Variants in N4BP1 observed in about 807,000 individuals in gnomAD.
N4BP1 encodes the protein NEDD4-binding protein 1.
A neutral mutation model predicts 70.9 loss-of-function variants in N4BP1; 21 were observed. The ratio of observed to expected loss-of-function variants is 0.30; its 90% CI spans 0.21 to 0.43. The LOEUF is 0.43. N4BP1 is among the 20% of genes least tolerant of loss of function. The pLI is 1.00. For missense variants in N4BP1, 936 were observed against 1,069.4 expected, an observed-to-expected ratio of 0.88 and a Z score of 1.74; for synonymous variants, 387 against 394.6, an observed-to-expected ratio of 0.98 and a Z score of 0.23.
chr16:48,560,633 G>A (rs558116897), intron 2 of N4BP1, 121 bp downstream of exon 2: 62 of 1,313,802 alleles, frequency 4.7e-5, no homozygotes, highest in Non-Finnish European at 5.5e-5. Context: ...TCCACCATCC[G>A]ACCCTAAGGC....
intron 1 of N4BP1, among the ~76,000 whole-genome samples, chr16:48,584,429 G>C (rs1048743009): frequency 1.3e-5 from 2 of 152,178 alleles, no homozygotes; most frequent in African/African-American, 2.4e-5. Flanking sequence ...TTCACGGTAT[G>C]AATGAGAAAT....
Position 48,562,097 on chromosome 16 carries a change from C to T in N4BP1, c.546G>A (p.Leu182=), listed in dbSNP as rs773097334. The part of the protein sequence containing the change: ...TMDLLILPTS[L]KKELLTLTQG... ...GTGTGAGTGTCAAAAGTTCTTTTTT[C>T]AAGGAAGTGGGCAAAATCAACAAAT... The change falls in exon 2 of 7, where the codon TTG becomes TTA. Residue 182 remains leucine (L), a synonymous_variant. Coordinates refer to ENST00000262384, the MANE Select transcript of N4BP1 (RefSeq NM_153029.4). 6.2e-7 allele frequency: 1 copy of T among 1,613,578 alleles called. No individual in the cohort carries two copies. The highest frequency in any genetic ancestry group is 8.5e-7 in the Non-Finnish European group (1 of 1,179,808).
chr16:48,562,499 TAATA>T lies in N4BP1; in HGVS notation c.199-59_199-56del, dbSNP rs1963876952. On this transcript the variant is annotated intron_variant, in intron 1 of 6. Transcript: ENST00000262384. ...ATTTACAAAAGTTCCTTATAGCACA[TAATA>T]AATTACCATGTAACTACAAATGTCA... is the stretch of plus-strand genomic sequence containing the variant. 2.9e-6 allele frequency: 4 copies of T among 1,399,296 alleles called. No homozygotes were observed. In the African/African-American group the frequency reaches 4.3e-5, roughly 15 times the overall value. 86.7% of individuals were successfully genotyped at this position (1,399,296 alleles called of 1,614,324 possible). A position where few individuals can be genotyped will look rare whatever the true frequency, so the allele number is the denominator to read the frequency against.
At chr16:48,550,061 ACCT>A (rs1443761193) in intron 4 of N4BP1, among the ~76,000 whole-genome samples, 1 of 152,200 alleles carries the variant, frequency 6.6e-6, no homozygotes, top group Non-Finnish European at 1.5e-5. Flanking sequence ...TAAGTTTAGA[ACCT>A]TCTCTTATTC....
At chr16:48,580,681 C>T (rs1708950783) in intron 1 of N4BP1, among the ~76,000 whole-genome samples, 1 of 152,094 alleles carries the variant, frequency 6.6e-6, no homozygotes, top group African/African-American at 2.4e-5. Flanking sequence ...AAACCTTCAA[C>T]AAAATATAGT....
intron 1 of N4BP1, among the ~76,000 whole-genome samples, chr16:48,608,307 A>G (rs938335194): frequency 2.0e-5 from 3 of 152,064 alleles, no homozygotes; most frequent in Admixed American, 2.0e-4. Flanking sequence ...CCGGCCTACA[A>G]TGTTTTAAGT....
intron 2 of N4BP1, among the ~76,000 whole-genome samples, chr16:48,554,170 AG>A: frequency 8.0e-6 from 1 of 125,344 alleles, no homozygotes; most frequent in Middle Eastern, 4.0e-3. Context: ...CAGGGAAAAA[AG>A]GTAAAAAAAA....
rs549685295 is a variant in N4BP1, at chr16:48,544,202, A to G, written c.2334-941T>C. Among the ~76,000 whole-genome samples, 165 of 152,348 alleles carry G rather than the reference A, an allele frequency of 1.1e-3. 2 individuals are homozygous for G. Among genetic ancestry groups the G allele is most frequent in the South Asian group, 6.4e-3 (31 of 4,830 alleles). On this transcript the variant is annotated intron_variant, in intron 6 of 6. Coordinates refer to ENST00000262384, the MANE Select transcript of N4BP1 (RefSeq NM_153029.4). Reference sequence around the variant, plus strand: ...AGAAAAGCATGGCATTTGGGAATTAAGTCCTCGTCTGTGTCATAAAACCCA... The same window carrying G: ...AGAAAAGCATGGCATTTGGGAATTAGGTCCTCGTCTGTGTCATAAAACCCA...
intron 1 of N4BP1, chr16:48,600,375 GA>G (rs1274741860): frequency 2.7e-6 from 2 of 735,236 alleles, no homozygotes; most frequent in South Asian, 2.7e-5. Context: ...ATTTGAATAT[GA>G]AAAACATAGA....
At chr16:48,576,957 GGTGTGA>G (rs1964104333) in intron 1 of N4BP1, among the ~76,000 whole-genome samples, 1 of 152,124 alleles carries the variant, frequency 6.6e-6, no homozygotes, top group Admixed American at 6.5e-5. Flanking sequence ...AGAGTGCAGA[GGTGTGA>G]TCACAGCTCA....
chr16:48,554,335 C>T (rs1438976757), intron 2 of N4BP1, among the ~76,000 whole-genome samples: 1 of 152,114 alleles, frequency 6.6e-6, no homozygotes, highest in African/African-American at 2.4e-5. Context: ...TGAATGTGTG[C>T]GGCTATGTTC....
chr16:48,591,898 T>TTTA (rs57352767), intron 1 of N4BP1, among the ~76,000 whole-genome samples: 5 of 149,138 alleles, frequency 3.4e-5, no homozygotes, highest in South Asian at 2.1e-4. Context: ...TTTTTTTTTT[T>TTTA]TCCAAGTTTT....
chr16:48,598,825 A>T (rs1268953308), intron 1 of N4BP1, among the ~76,000 whole-genome samples: 2 of 152,150 alleles, frequency 1.3e-5, no homozygotes, highest in Non-Finnish European at 2.9e-5. Flanking sequence ...TCCTTGATAT[A>T]GGAGTCCTAT....
At chr16:48,588,089 T>C (rs1964274799) in intron 1 of N4BP1, among the ~76,000 whole-genome samples, 1 of 152,070 alleles carries the variant, frequency 6.6e-6, no homozygotes, top group South Asian at 2.1e-4. Context: ...TCTTATGAAA[T>C]TTCCTGAGGA....
intron 1 of N4BP1, among the ~76,000 whole-genome samples, chr16:48,604,602 T>TTA (rs796369615): frequency 2.5e-4 from 34 of 138,514 alleles, no homozygotes; most frequent in African/African-American, 8.6e-4. Context: ...CAAAAAAAGG[T>TTA]AAAAAAAAAA....
intron 1 of N4BP1, 22 bp downstream of exon 1, chr16:48,609,753 C>CG: frequency 1.5e-6 from 2 of 1,326,740 alleles, no homozygotes; most frequent in South Asian, 1.9e-5. Context: ...CGCGGGCGCG[C>CG]GGGGGCGGCG....
chr16:48,566,923 T>C (rs933056966), intron 1 of N4BP1, among the ~76,000 whole-genome samples: 2 of 152,364 alleles, frequency 1.3e-5, no homozygotes, highest in East Asian at 1.9e-4. Context: ...TGTTACATAA[T>C]GTCTTCTTGA....
At chr16:48,551,333 C>T in intron 4 of N4BP1, 53 bp downstream of exon 4, 2 of 1,411,228 alleles carry the variant, frequency 1.4e-6, no homozygotes, top group Non-Finnish European at 2.0e-6. Flanking sequence ...GAGCAGGTGG[C>T]TGGCTCCTCA....
rs1963464663 is a variant in N4BP1 at position 48,539,759 on chromosome 16, G to C, written c.*3145C>G. The C allele has an allele frequency of 6.6e-6, 1 of 152,424 alleles. No individual in the cohort carries two copies. The highest frequency in any genetic ancestry group is 2.4e-5 in the African/African-American group (1 of 41,466). 9.4% of individuals were successfully genotyped at this position (152,424 alleles called of 1,614,324 possible). On this transcript the variant is annotated 3_prime_UTR_variant, in exon 7 of 7. Transcript: ENST00000262384. Reference sequence around the variant, plus strand: ...AGTCTGCAAGCCACCTGCAGAGGAAGAATAGGGTGTTAAGGACTGGCTTTA... The same window carrying C: ...AGTCTGCAAGCCACCTGCAGAGGAACAATAGGGTGTTAAGGACTGGCTTTA...
Sources: gnomAD v4.1 joint callset for allele counts (sites outside exome capture counted in the v4.1 genomes callset) on GRCh38, gnomAD v4.1.1 for gene constraint, MANE v1.5 for transcripts, NCBI Gene and HGNC (gene_info 2026-07-23, HGNC 2026-07-21) for gene names.